PRDM15: variants seen among roughly 807,000 people sequenced by gnomAD.
The protein encoded by PRDM15 is PR/SET domain 15, also known as PR domain zinc finger protein 15.
In PRDM15, 64 loss-of-function variants were observed where a neutral mutation model predicts 128.6. The ratio of observed to expected loss-of-function variants is 0.50; its 90% CI spans 0.41 to 0.61. The LOEUF is 0.61. Among genes scored for constraint, PRDM15 ranks in the 20% least tolerant of loss-of-function variants. PRDM15 has a pLI of 0.00. For missense variants in PRDM15, 1,242 were observed against 1,569.1 expected (o/e 0.79, Z 3.52); for synonymous variants, 615 against 621.8 (o/e 0.99, Z 0.16).
chr21:41,869,840 T>A (rs567525478), intron 1 of PRDM15, among the ~76,000 whole-genome samples: 8 of 152,356 alleles, frequency 5.3e-5, no homozygotes, highest in Admixed American at 1.3e-4. Flanking sequence ...GAGGTCCACC[T>A]TTTTGTCTAC....
In PRDM15 at chr21:41,806,528, CCA is replaced by C. The variant is rs1491161959; in HGVS notation, c.2653-1916_2653-1915del. On this transcript the variant is annotated intron_variant, in intron 21 of 23. Coordinates refer to ENST00000398548, the MANE Select transcript of PRDM15 (RefSeq NM_001040424.3). ...ATCACCATCACCACCACCATCACCA[CCA>C]CCATCACTACCACCAACATCACCAC... Among the ~76,000 whole-genome samples the C allele has an allele frequency of 1.7e-3, 13 of 7,680 alleles. 1 individual carries two copies. The highest frequency in any genetic ancestry group is 3.9e-3 in the African/African-American group (10 of 2,548). 5.0% of individuals were successfully genotyped at this position (7,680 alleles called of 152,430 possible).
Position 41,820,476 on chromosome 21 carries a change from TAAG to T in PRDM15, c.2061-305_2061-303del, listed in dbSNP as rs1268650575. Among the ~76,000 whole-genome samples the T allele has an allele frequency of 3.3e-5, 5 of 152,210 alleles. No homozygotes were observed. In the South Asian group the frequency reaches 6.2e-4, roughly 19 times the overall value. On this transcript the variant is annotated intron_variant, in intron 16 of 23. Coordinates refer to ENST00000398548, the MANE Select transcript of PRDM15 (RefSeq NM_001040424.3). Reference sequence around the variant, plus strand: ...CTGACCAATCTGACCAGTGTCCTTATAAGAAGATGAGATTGGGCACAGACACGC... The same window carrying T: ...CTGACCAATCTGACCAGTGTCCTTATAAGATGAGATTGGGCACAGACACGC...
intron 1 of PRDM15, among the ~76,000 whole-genome samples, chr21:41,874,114 C>T (rs1055672304): frequency 4.0e-5 from 6 of 149,024 alleles, no homozygotes; most frequent in African/African-American, 1.5e-4. Flanking sequence ...GTAGACTCTA[C>T]CACACTGATG....
intron 1 of PRDM15, chr21:41,861,419 G>T: frequency 1.5e-6 from 1 of 668,164 alleles, no homozygotes; most frequent in Non-Finnish European, 2.5e-6. Flanking sequence ...TTCATTCTGG[G>T]GCCTCACATT....
At position 41,815,674 on chromosome 21, in the gene PRDM15, G is replaced by A. The variant is rs575260882; in HGVS notation, c.2392+31C>T. On this transcript the variant is annotated intron_variant, in intron 19 of 23. Coordinates refer to ENST00000398548, the MANE Select transcript of PRDM15 (RefSeq NM_001040424.3). ...CTGGCTTCCCTACACAGTGAGCGCC[G>A]TGGCTGGCGCGGCCCGGGCCTCGGA... is the stretch of plus-strand genomic sequence containing the variant. 2.1e-5 allele frequency: 33 copies of A among 1,609,578 alleles called. No homozygotes were observed. The Admixed American group carries it at 2.8e-4, about 14-fold the overall frequency.
intron 7 of PRDM15, among the ~76,000 whole-genome samples, chr21:41,838,659 T>A (rs1377875605): frequency 2.6e-5 from 4 of 152,212 alleles, no homozygotes; most frequent in African/African-American, 9.6e-5. Flanking sequence ...CTGACACGCT[T>A]TCCCCCGCCC....
At chr21:41,815,296 C>T (rs76117715) in intron 19 of PRDM15, among the ~76,000 whole-genome samples, 3,396 of 152,298 alleles carry the variant, frequency 0.022, 130 homozygotes, top group African/African-American at 0.077. Flanking sequence ...CATGGCTTAG[C>T]CAGTGCCCTA....
chr21:41,803,788 C>T (rs150109177), intron 22 of PRDM15, among the ~76,000 whole-genome samples: 5 of 152,104 alleles, frequency 3.3e-5, no homozygotes, highest in South Asian at 2.1e-4. Flanking sequence ...TGTTTCAGAA[C>T]GAGAGGCATA....
intron 18 of PRDM15, among the ~76,000 whole-genome samples, chr21:41,817,681 A>G (rs1289091626): frequency 1.3e-5 from 2 of 152,188 alleles, no homozygotes; most frequent in South Asian, 4.1e-4. Flanking sequence ...TCCGATATAA[A>G]AAGATCTCCA....
At position 41,823,459 on chromosome 21, in the gene PRDM15, A is replaced by C; in HGVS notation, c.1630-10T>G. 6.5e-7 allele frequency: 1 copy of C among 1,548,834 alleles called. No individual in the cohort carries two copies. The highest frequency in any genetic ancestry group is 8.7e-7 in the Non-Finnish European group (1 of 1,146,756). On this transcript the variant is annotated splice_polypyrimidine_tract_variant and intron_variant, in intron 13 of 23. Transcript: ENST00000398548. ...TCCGGCAGGAGAACACCTGTGGCAG[A>C]GGAGCCGCATGGTGAGGGGCTGCGG...
intron 13 of PRDM15, 78 bp downstream of exon 13, chr21:41,825,882 A>AT: frequency 8.8e-7 from 1 of 1,132,622 alleles, no homozygotes; most frequent in Middle Eastern, 2.0e-4. Context: ...ATATTCTATA[A>AT]GTACAGCTCA....
At chr21:41,878,208 T>C (rs527583586) in intron 1 of PRDM15, among the ~76,000 whole-genome samples, 1 of 152,242 alleles carries the variant, frequency 6.6e-6, no homozygotes, top group Non-Finnish European at 1.5e-5. Flanking sequence ...TGAGTCTGGC[T>C]TAAGCCAATG....
chr21:41,808,595 T>G (rs1453307464), intron 21 of PRDM15, among the ~76,000 whole-genome samples: 4 of 152,234 alleles, frequency 2.6e-5, no homozygotes, highest in Non-Finnish European at 4.4e-5. Flanking sequence ...AGACAAGAAA[T>G]TACCCATCAC....
intron 1 of PRDM15, chr21:41,863,386 AC>A (rs1319294762): frequency 5.9e-5 from 9 of 151,756 alleles, no homozygotes; most frequent in Non-Finnish European, 1.2e-4. Flanking sequence ...TGTTTGCAAA[AC>A]CCTCCACGTG....
chr21:41,835,255 C>T (rs1053943016), intron 11 of PRDM15, among the ~76,000 whole-genome samples, 182 bp downstream of exon 11: 23 of 152,180 alleles, frequency 1.5e-4, no homozygotes, highest in Non-Finnish European at 2.6e-4. Flanking sequence ...GGAAAGTTTC[C>T]ATCTGTGTAT....
intron 21 of PRDM15, 83 bp from the exon 22 acceptor site, chr21:41,804,697 C>A: frequency 1.1e-6 from 1 of 943,720 alleles, no homozygotes; most frequent in South Asian, 1.7e-5. Flanking sequence ...CGCCTTGGGA[C>A]CACCTCCACC....
intron 14 of PRDM15, among the ~76,000 whole-genome samples, chr21:41,822,439 T>C (rs1225503823): frequency 6.6e-6 from 1 of 152,228 alleles, no homozygotes; most frequent in East Asian, 1.9e-4. Flanking sequence ...TCTGCTCCGT[T>C]CCTCTCTTTC....
intron 11 of PRDM15, among the ~76,000 whole-genome samples, chr21:41,829,015 CAT>C (rs2062580952): frequency 6.7e-6 from 1 of 149,180 alleles, no homozygotes; most frequent in Non-Finnish European, 1.5e-5. Context: ...ACACACACCA[CAT>C]ACACACTACA....
intron 1 of PRDM15, among the ~76,000 whole-genome samples, chr21:41,876,906 C>G (rs1267155842): frequency 6.6e-6 from 1 of 152,190 alleles, no homozygotes; most frequent in East Asian, 1.9e-4. Context: ...AGCTCCATTC[C>G]CCACACACAG....
Sources: gnomAD v4.1 joint callset for allele counts (sites outside exome capture counted in the v4.1 genomes callset) on GRCh38, gnomAD v4.1.1 for gene constraint, MANE v1.5 for transcripts, NCBI Gene and HGNC (gene_info 2026-07-23, HGNC 2026-07-21) for gene names.